Variants in PACC1 observed in about 807,000 individuals in gnomAD.
PACC1 encodes the protein proton-activated chloride channel.
PACC1 carries 34 observed loss-of-function variants against 39.7 expected under a neutral mutation model. The observed-to-expected ratio is 0.86, with a 90% CI of 0.65 to 1.14. The LOEUF is 1.14. Ranked by LOEUF, PACC1 falls within the 50% of genes most tolerant of loss-of-function variation. The pLI is 0.00. For missense variants in PACC1, 379 were observed against 436.4 expected (o/e 0.87, Z 1.17); for synonymous variants, 127 against 160.6 (o/e 0.79, Z 1.58).
At chr1:212,380,980 A>G (rs1471762485) in intron 4 of PACC1, among the ~76,000 whole-genome samples, 1 of 152,248 alleles carries the variant, frequency 6.6e-6, no homozygotes, top group Non-Finnish European at 1.5e-5. Context: ...TTATAAATAA[A>G]TGCTCTACAG....
At position 212,379,914 on chromosome 1, in the gene PACC1, AAGAAG is replaced by A. The variant is rs769959890; in HGVS notation, c.614_618del (p.Ser205PhefsTer18). 2 of 1,614,194 alleles carry A rather than the reference AAGAAG, an allele frequency of 1.2e-6. No individual in the cohort carries two copies. The highest frequency in any genetic ancestry group is 2.2e-5 in the East Asian group (1 of 44,884). ...GCCCACCTTTGCAGGAACTCCTGGA[AAGAAG>A]AGAAGAGGAGGTAATCAATGGCGCT... On this transcript the variant is annotated frameshift_variant, in exon 5 of 8. Coordinates refer to ENST00000261455, the MANE Select transcript of PACC1 (RefSeq NM_018252.3). LOFTEE classifies it high-confidence loss of function.
At chr1:212,398,521 T>A (rs560528101) in intron 2 of PACC1, among the ~76,000 whole-genome samples, 1 of 152,320 alleles carries the variant, frequency 6.6e-6, no homozygotes, top group East Asian at 1.9e-4. Flanking sequence ...AAGGAACAGG[T>A]TACTGTGGGC....
At chr1:212,396,363 C>A (rs934577894) in intron 2 of PACC1, among the ~76,000 whole-genome samples, 3 of 152,080 alleles carry the variant, frequency 2.0e-5, no homozygotes, top group African/African-American at 7.2e-5. Flanking sequence ...TGCATGTTCT[C>A]ACTCATAGGT....
intron 7 of PACC1, among the ~76,000 whole-genome samples, chr1:212,373,986 C>T (rs1416722368): frequency 2.7e-5 from 4 of 149,498 alleles, no homozygotes; most frequent in African/African-American, 7.4e-5. Flanking sequence ...CTAGAACTAC[C>T]ATATGATCCA....
chr1:212,392,210 A>G (rs1396333925), intron 2 of PACC1, among the ~76,000 whole-genome samples: 1 of 152,252 alleles, frequency 6.6e-6, no homozygotes, highest in Admixed American at 6.5e-5. Context: ...CGGGTTACCC[A>G]CAAAGGGAAG....
chr1:212,408,685 G>T (rs561124176), intron 2 of PACC1, among the ~76,000 whole-genome samples: 1 of 152,180 alleles, frequency 6.6e-6, no homozygotes, highest in African/African-American at 2.4e-5. Context: ...CTTCTGTAAG[G>T]AGCAGGCAGA....
At chr1:212,388,165 T>C (rs780659262) in intron 2 of PACC1, among the ~76,000 whole-genome samples, 65 of 152,170 alleles carry the variant, frequency 4.3e-4, no homozygotes, top group Admixed American at 1.7e-3. Flanking sequence ...GGGAGCCCTG[T>C]ACGTCCCCTA....
At chr1:212,365,898 C>A (rs898719440) in intron 7 of PACC1, among the ~76,000 whole-genome samples, 1 of 152,206 alleles carries the variant, frequency 6.6e-6, no homozygotes, top group South Asian at 2.1e-4. Context: ...AAACTATACC[C>A]AGTCCATAAG....
At position 212,365,326 on chromosome 1, in the gene PACC1, G is replaced by A. The variant is rs763168765; in HGVS notation, c.942C>T (p.Phe314=). Residue 314 remains phenylalanine (F), a synonymous_variant, in exon 8 of 8, where the codon TTC becomes TTT. Coordinates refer to ENST00000261455, the MANE Select transcript of PACC1 (RefSeq NM_018252.3). ...ACTCTGCTGCTTTAAATAATGCCAA[G>A]AAGGCGCCACAGAGAAGAGCAATTG... is the stretch of plus-strand genomic sequence containing the variant. The part of the protein sequence containing the change: ...WNTIALLCGA[F]LALFKAAEFA... 6.2e-7 allele frequency: 1 copy of A among 1,613,408 alleles called. No individual in the cohort carries two copies. The highest frequency in any genetic ancestry group is 1.1e-5 in the South Asian group (1 of 91,032).
intron 1 of PACC1, chr1:212,413,790 C>G (rs1394941327): frequency 7.8e-7 from 1 of 1,279,206 alleles, no homozygotes; most frequent in Non-Finnish European, 1.0e-6. Flanking sequence ...AAGGCAGGGC[C>G]TCAAGGCAAA....
At chr1:212,397,954 T>C (rs2102523434) in intron 2 of PACC1, among the ~76,000 whole-genome samples, 1 of 152,352 alleles carries the variant, frequency 6.6e-6, no homozygotes, top group South Asian at 2.1e-4. Flanking sequence ...AACTACTCCA[T>C]GATCCTAGAC....
intron 3 of PACC1, among the ~76,000 whole-genome samples, chr1:212,385,692 C>T (rs1036610136): frequency 1.3e-5 from 2 of 152,166 alleles, no homozygotes; most frequent in African/African-American, 2.4e-5. Flanking sequence ...ACCCACTCCA[C>T]CTCAGAGCCC....
intron 7 of PACC1, among the ~76,000 whole-genome samples, chr1:212,366,094 C>T (rs1176646444): frequency 6.6e-6 from 1 of 152,174 alleles, no homozygotes; most frequent in Admixed American, 6.5e-5. Flanking sequence ...AGTCTCAGAG[C>T]TTTCCCTGAC....
intron 2 of PACC1, 98 bp from the exon 3 acceptor site, chr1:212,387,198 G>C: frequency 8.0e-7 from 1 of 1,253,762 alleles, no homozygotes; most frequent in Non-Finnish European, 1.1e-6. Flanking sequence ...TCACCAAGGA[G>C]GTGAAGTCAC....
intron 2 of PACC1, among the ~76,000 whole-genome samples, chr1:212,397,397 A>T (rs935636214): frequency 6.6e-6 from 1 of 152,258 alleles, no homozygotes; most frequent in African/African-American, 2.4e-5. Context: ...GTCTGGATTA[A>T]GAATAAAACC....
At chr1:212,365,429 C>A in intron 7 of PACC1, 53 bp from the exon 8 acceptor site, 5,385 of 975,536 alleles carry the variant, frequency 5.5e-3, no homozygotes, top group Non-Finnish European at 6.7e-3. Flanking sequence ...AGTCTTGATT[C>A]TTTTTTTTTT....
chr1:212,384,171 T>G (rs144762973), intron 4 of PACC1, among the ~76,000 whole-genome samples: 2 of 152,212 alleles, frequency 1.3e-5, no homozygotes, highest in Admixed American at 6.5e-5. Flanking sequence ...TCAAAATGTC[T>G]GGTCCACTGG....
intron 4 of PACC1, among the ~76,000 whole-genome samples, chr1:212,381,536 G>A (rs1660879432): frequency 6.6e-6 from 1 of 152,052 alleles, no homozygotes. Context: ...CCCCCTGCTG[G>A]AGCCTCATCT....
chr1:212,403,152 A>C (rs146798973), intron 2 of PACC1, among the ~76,000 whole-genome samples: 186 of 152,276 alleles, frequency 1.2e-3, no homozygotes, highest in African/African-American at 4.4e-3. Context: ...CAGAATACTA[A>C]TTGGTTCTGA....
Sources: gnomAD v4.1 joint callset for allele counts (sites outside exome capture counted in the v4.1 genomes callset) on GRCh38, gnomAD v4.1.1 for gene constraint, MANE v1.5 for transcripts, NCBI Gene and HGNC (gene_info 2026-07-23, HGNC 2026-07-21) for gene names.